Variants in OPCML observed in about 807,000 individuals in gnomAD.
The protein encoded by OPCML is opioid binding protein/cell adhesion molecule like.
OPCML carries 13 observed loss-of-function variants against 37.8 expected under a neutral mutation model. That is an observed-to-expected ratio of 0.34 (90% CI 0.22 to 0.55). The LOEUF is 0.55. Among genes scored for constraint, OPCML ranks in the 20% least tolerant of loss-of-function variants. OPCML has a pLI of 0.91. For synonymous variants in OPCML, 176 were observed against 168.8 expected (o/e 1.04, Z -0.33); for missense variants, 341 against 435.6 (o/e 0.78, Z 1.93).
intron 1 of OPCML, among the ~76,000 whole-genome samples, chr11:132,989,499 T>G (rs1946736061): frequency 6.6e-6 from 1 of 152,038 alleles, no homozygotes; most frequent in African/African-American, 2.4e-5. Context: ...AAGCATAAGA[T>G]ACACATGGAA....
chr11:132,595,601 G>T (rs1184289556), intron 3 of OPCML, among the ~76,000 whole-genome samples: 3 of 152,172 alleles, frequency 2.0e-5, no homozygotes, highest in Non-Finnish European at 4.4e-5. Context: ...GGGAGATGGG[G>T]CATGTGTTGA....
At chr11:133,449,257 A>C (rs1946531545) in intron 1 of OPCML, among the ~76,000 whole-genome samples, 1 of 152,226 alleles carries the variant, frequency 6.6e-6, no homozygotes, top group Admixed American at 6.5e-5. Flanking sequence ...GCAAAAGGAC[A>C]GAGAGTAAAT....
intron 1 of OPCML, among the ~76,000 whole-genome samples, chr11:133,281,649 C>G (rs921573668): frequency 6.6e-6 from 1 of 151,826 alleles, no homozygotes; most frequent in Non-Finnish European, 1.5e-5. Flanking sequence ...AACTGGGTAA[C>G]AAGCAGAAGT....
intron 1 of OPCML, among the ~76,000 whole-genome samples, chr11:133,496,313 C>G (rs920938141): frequency 6.6e-6 from 1 of 152,108 alleles, no homozygotes; most frequent in African/African-American, 2.4e-5. Context: ...CCTAATAGTA[C>G]AGTTTGAAAT....
intron 1 of OPCML, among the ~76,000 whole-genome samples, chr11:133,116,777 A>C (rs1020113887): frequency 7.1e-6 from 1 of 141,488 alleles, no homozygotes; most frequent in African/African-American, 2.7e-5. Context: ...CTTATAAGTA[A>C]TTTGTGGGAA....
Position 133,259,113 on chromosome 11 carries a change from C to T in OPCML, c.61+273151G>A, listed in dbSNP as rs144170304. On this transcript the variant is annotated intron_variant, in intron 1 of 7. Transcript: ENST00000524381. ...GTCAGAAATTGTTCAACCTTTCCTA[C>T]CTCCCCCTTCATTTTATTGGTAGGA... Among the ~76,000 whole-genome samples, 8 of 152,300 alleles carry T rather than the reference C, an allele frequency of 5.3e-5. No homozygotes were observed. In the East Asian group the frequency reaches 1.5e-3, roughly 29 times the overall value.
rs189034170 is a variant in OPCML at position 132,920,834 on chromosome 11, T to G, written c.146+22092A>C. 8.5e-5 allele frequency among the ~76,000 whole-genome samples: 13 copies of G among 152,308 alleles called. No homozygotes were observed. In the East Asian group the frequency reaches 1.5e-3, roughly 18 times the overall value. On this transcript the variant is annotated intron_variant, in intron 2 of 7. Transcript: ENST00000524381. ...GTCGTCTTCTGGGCCCGTGCTGTCA[T>G]GTCACGGCCTGGCCGGCGGGAGCCC... is the stretch of plus-strand genomic sequence containing the variant.
intron 1 of OPCML, among the ~76,000 whole-genome samples, chr11:133,282,895 G>A (rs944545719): frequency 6.6e-6 from 1 of 152,196 alleles, no homozygotes; most frequent in Non-Finnish European, 1.5e-5. Context: ...CTTGTGTGTG[G>A]CCTACTGCCC....
chr11:133,484,080 A>AGATAGATAGATTGATT (rs1324054465), intron 1 of OPCML, among the ~76,000 whole-genome samples: 1 of 128,204 alleles, frequency 7.8e-6, no homozygotes, highest in African/African-American at 3.8e-5. Flanking sequence ...ATAGATAGAT[A>AGATAGATAGATTGATT]GATTCATAGA....
intron 1 of OPCML, among the ~76,000 whole-genome samples, chr11:133,376,194 T>G (rs1450918010): frequency 2.1e-5 from 2 of 95,206 alleles, no homozygotes; most frequent in Non-Finnish European, 3.8e-5. Flanking sequence ...ATTGCAATAC[T>G]TTTTTTTAAT....
intron 2 of OPCML, among the ~76,000 whole-genome samples, chr11:132,866,650 T>C (rs1942570652): frequency 6.6e-6 from 1 of 152,258 alleles, no homozygotes; most frequent in Non-Finnish European, 1.5e-5. Context: ...TAGTTTTTAC[T>C]AACATTGTTA....
intron 1 of OPCML, among the ~76,000 whole-genome samples, chr11:133,209,205 A>G (rs1026414524): frequency 3.9e-5 from 6 of 152,238 alleles, no homozygotes; most frequent in Admixed American, 3.9e-4. Flanking sequence ...TAAAAACTAT[A>G]TAAGGACAAG....
At chr11:132,999,578 A>C (rs1040457450) in intron 1 of OPCML, among the ~76,000 whole-genome samples, 2 of 138,474 alleles carry the variant, frequency 1.4e-5, no homozygotes, top group African/African-American at 6.7e-5. Context: ...TCGGGGGGGG[A>C]ATGCCACCGG....
intron 3 of OPCML, among the ~76,000 whole-genome samples, chr11:132,637,587 A>G (rs1940586934): frequency 6.6e-6 from 1 of 152,162 alleles, no homozygotes; most frequent in Non-Finnish European, 1.5e-5. Context: ...GTACTTCTAG[A>G]CTGGCATCCT....
At chr11:132,781,601 TACACAC>T (rs139359164) in intron 2 of OPCML, among the ~76,000 whole-genome samples, 3 of 146,336 alleles carry the variant, frequency 2.1e-5, no homozygotes, top group Non-Finnish European at 4.5e-5. Flanking sequence ...CACATATACA[TACACAC>T]ACACACACAC....
At chr11:133,024,859 C>T (rs1471017312) in intron 1 of OPCML, 9 of 985,246 alleles carry the variant, frequency 9.1e-6, no homozygotes, top group African/African-American at 1.7e-5. Flanking sequence ...CTTTCATGTC[C>T]CTTCTATGCC....
intron 2 of OPCML, among the ~76,000 whole-genome samples, chr11:132,748,443 G>A (rs1342633108): frequency 6.6e-6 from 1 of 152,152 alleles, no homozygotes; most frequent in East Asian, 1.9e-4. Context: ...ATCTTCTAGT[G>A]GGAGAGTTAG....
intron 1 of OPCML, among the ~76,000 whole-genome samples, chr11:133,116,032 C>T (rs1456556478): frequency 1.3e-5 from 2 of 152,054 alleles, no homozygotes; most frequent in Non-Finnish European, 1.5e-5. Flanking sequence ...TGCAGTGGAA[C>T]GATCTCGGCT....
At chr11:133,241,448 TAAA>T (rs1309124049) in intron 1 of OPCML, among the ~76,000 whole-genome samples, 1 of 152,254 alleles carries the variant, frequency 6.6e-6, no homozygotes, top group East Asian at 1.9e-4. Flanking sequence ...ATTGTGCACC[TAAA>T]TGGTATCCTT....
Sources: allele counts gnomAD v4.1 joint callset (sites outside exome capture counted in the v4.1 genomes callset), GRCh38; gene constraint gnomAD v4.1.1; transcripts MANE v1.5; gene names NCBI Gene and HGNC (gene_info 2026-07-23, HGNC 2026-07-21).